Variants in PCDH15 observed in about 807,000 individuals in gnomAD.
The protein encoded by PCDH15 is protocadherin related 15, also known as protocadherin-15.
In PCDH15, 129 loss-of-function variants were observed where a neutral mutation model predicts 178.5. The ratio of observed to expected loss-of-function variants is 0.72; its 90% CI spans 0.63 to 0.84. The LOEUF is 0.84. Ranked by LOEUF, PCDH15 falls within the 40% of genes least tolerant of loss-of-function variation. The pLI is 0.00. For synonymous variants in PCDH15, 800 were observed against 732.0 expected, an observed-to-expected ratio of 1.09 and a Z score of -1.50; for missense variants, 2,230 against 2,099.9, an observed-to-expected ratio of 1.06 and a Z score of -1.21.
chr10:55,318,236 GA>G (rs1843781894), intron 1 of PCDH15, among the ~76,000 whole-genome samples: 1 of 152,058 alleles, frequency 6.6e-6, no homozygotes, highest in African/African-American at 2.4e-5. Context: ...GAGAGAGAGG[GA>G]GAGAGAGTAC....
At chr10:54,513,649 A>G (rs770050943) in intron 3 of PCDH15, among the ~76,000 whole-genome samples, 6 of 152,212 alleles carry the variant, frequency 3.9e-5, no homozygotes, top group Non-Finnish European at 8.8e-5. Flanking sequence ...AATTTTGATT[A>G]AAGATTAATT....
chr10:54,262,269 C>A (rs2057367253), intron 8 of PCDH15, among the ~76,000 whole-genome samples: 1 of 152,086 alleles, frequency 6.6e-6, no homozygotes, highest in African/African-American at 2.4e-5. Flanking sequence ...TGGCTAAGTT[C>A]CTGCTATCTG....
chr10:53,907,502 C>T (rs1003340705), intron 25 of PCDH15, among the ~76,000 whole-genome samples: 1 of 152,040 alleles, frequency 6.6e-6, no homozygotes, highest in Non-Finnish European at 1.5e-5. Flanking sequence ...ACAAAGTAGG[C>T]AAAAAAGTTA....
At chr10:53,872,967 C>T (rs1337129395) in intron 26 of PCDH15, among the ~76,000 whole-genome samples, 5 of 152,170 alleles carry the variant, frequency 3.3e-5, no homozygotes, top group East Asian at 1.9e-4. Flanking sequence ...ATCTGAATCA[C>T]TCCCATCCCT....
intron 2 of PCDH15, among the ~76,000 whole-genome samples, chr10:54,561,833 AATT>A (rs367556125): frequency 0.02 from 3,035 of 151,214 alleles, 46 homozygotes; most frequent in South Asian, 0.039. Flanking sequence ...TATCAATGGT[AATT>A]ATTATTATTA....
intron 2 of PCDH15, among the ~76,000 whole-genome samples, chr10:55,164,621 T>C (rs1200850156): frequency 6.6e-6 from 1 of 152,102 alleles, no homozygotes; most frequent in East Asian, 1.9e-4. Context: ...CTCTTGTTGA[T>C]TTATTACATA....
chr10:54,361,575 T>A (rs1946057361), intron 5 of PCDH15, among the ~76,000 whole-genome samples: 1 of 151,990 alleles, frequency 6.6e-6, no homozygotes, highest in East Asian at 1.9e-4. Context: ...ACTAAGTCCA[T>A]TAGAAATTAA....
In PCDH15 at chr10:54,022,908, G is replaced by T; in HGVS notation, c.2510C>A (p.Thr837Asn). ...LVEENLPAGT[T>N]ILQIEAKDVD... is the part of the protein sequence containing the mutation. ...CCCACACACCTCTATTTGAAGGATGGTAGTCCCAGCTGGCAAATTCTCTTC... is the reference window on the plus strand; with the variant it reads ...CCCACACACCTCTATTTGAAGGATGTTAGTCCCAGCTGGCAAATTCTCTTC... The change falls in exon 19 of 38, where the codon ACC (threonine) becomes AAC (asparagine). Residue 837 changes from threonine (T) to asparagine (N), a missense_variant. Physicochemically the swap from Thr to Asn is moderately conservative, Grantham distance 65. Coordinates refer to ENST00000644397, the MANE Select transcript of PCDH15 (RefSeq NM_001384140.1). 6.2e-7 allele frequency: 1 copy of T among 1,613,844 alleles called. No individual in the cohort carries two copies. The highest frequency in any genetic ancestry group is 1.1e-5 in the South Asian group (1 of 91,072).
intron 21 of PCDH15, among the ~76,000 whole-genome samples, chr10:53,965,739 G>A (rs188859721): frequency 2.2e-4 from 33 of 152,296 alleles, no homozygotes; most frequent in Admixed American, 1.5e-3. Flanking sequence ...AATTTTTAGA[G>A]TTTTTGCTAG....
At chr10:53,859,822 T>G (rs1252865227) in intron 27 of PCDH15, among the ~76,000 whole-genome samples, 2 of 151,612 alleles carry the variant, frequency 1.3e-5, no homozygotes, top group African/African-American at 4.8e-5. Context: ...AAAACAAAAG[T>G]GGGAAAGGAA....
intron 2 of PCDH15, among the ~76,000 whole-genome samples, chr10:55,040,234 C>T (rs1840832263): frequency 1.3e-5 from 2 of 151,924 alleles, no homozygotes; most frequent in South Asian, 2.1e-4. Context: ...TCAATGGCAG[C>T]AATAGGAATT....
At chr10:54,453,884 C>T (rs1405553590) in intron 3 of PCDH15, among the ~76,000 whole-genome samples, 1 of 151,828 alleles carries the variant, frequency 6.6e-6, no homozygotes, top group East Asian at 1.9e-4. Context: ...CTTCTAACCT[C>T]CAGAACTATG....
At chr10:54,529,015 C>T (rs139812207) in intron 2 of PCDH15, among the ~76,000 whole-genome samples, 20 of 152,028 alleles carry the variant, frequency 1.3e-4, no homozygotes, top group Admixed American at 3.9e-4. Context: ...TACAGCAGTG[C>T]AAATTAATTT....
intron 6 of PCDH15, among the ~76,000 whole-genome samples, chr10:54,330,441 T>G (rs1415630706): frequency 6.6e-6 from 1 of 151,944 alleles, no homozygotes; most frequent in African/African-American, 2.4e-5. Context: ...AGAAAAGGTA[T>G]AGTAGAAATA....
intron 2 of PCDH15, among the ~76,000 whole-genome samples, chr10:55,354,565 T>G (rs1028330030): frequency 1.3e-5 from 2 of 152,080 alleles, no homozygotes; most frequent in African/African-American, 4.8e-5. Context: ...TTTATTCACA[T>G]AAGTCATAAA....
At chr10:54,440,013 T>C (rs1042103342) in intron 3 of PCDH15, among the ~76,000 whole-genome samples, 8 of 152,148 alleles carry the variant, frequency 5.3e-5, no homozygotes, top group African/African-American at 1.9e-4. Flanking sequence ...TCCTGGTTGT[T>C]CTGAAAAATG....
chr10:53,917,225 A>G (rs375880270), intron 25 of PCDH15, among the ~76,000 whole-genome samples: 8 of 152,264 alleles, frequency 5.3e-5, no homozygotes, highest in African/African-American at 1.9e-4. Flanking sequence ...CAAGAAAATC[A>G]GACAGTATAT....
chr10:55,073,926 T>C (rs1841814366), intron 2 of PCDH15, among the ~76,000 whole-genome samples: 1 of 152,016 alleles, frequency 6.6e-6, no homozygotes, highest in Admixed American at 6.6e-5. Flanking sequence ...TGTGTTCTCA[T>C]TGTTTAGCTC....
intron 2 of PCDH15, among the ~76,000 whole-genome samples, chr10:55,015,045 A>T (rs1840138099): frequency 6.6e-6 from 1 of 151,924 alleles, no homozygotes; most frequent in Non-Finnish European, 1.5e-5. Context: ...ACATGGTGAA[A>T]CCCCATCTCT....
Sources: allele counts gnomAD v4.1 joint callset (sites outside exome capture counted in the v4.1 genomes callset), GRCh38; gene constraint gnomAD v4.1.1; transcripts MANE v1.5; gene names NCBI Gene and HGNC (gene_info 2026-07-23, HGNC 2026-07-21).